ADORA2B: variants seen among roughly 807,000 people sequenced by gnomAD.
ADORA2B encodes adenosine receptor A2b.
Under a neutral mutation model 20.8 loss-of-function variants are expected in ADORA2B, and 18 were observed. That is an observed-to-expected ratio of 0.87 (90% CI 0.60 to 1.29). The LOEUF is 1.29. Among genes scored for constraint, ADORA2B ranks in the 50% most tolerant of loss-of-function variants. The pLI, the probability that ADORA2B is intolerant of heterozygous loss-of-function variation, is 0.00. For missense variants in ADORA2B, 441 were observed against 422.7 expected, an observed-to-expected ratio of 1.04 and a Z score of -0.38; for synonymous variants, 179 against 178.3, an observed-to-expected ratio of 1.00 and a Z score of -0.03.
At chr17:15,864,279 C>T in the ADORA2B span, 5 of 152,184 alleles carry the variant, frequency 3.3e-5, no homozygotes, top group Admixed American at 3.3e-4. Context: ...TCTTTCTGTT[C>T]TCCTAGACAG....
At chr17:15,924,729 G>C in the ADORA2B span, among the ~76,000 whole-genome samples, 1 of 141,234 alleles carries the variant, frequency 7.1e-6, no homozygotes, top group Non-Finnish European at 1.5e-5. Flanking sequence ...GACAGAGCGA[G>C]ACTCCATCTC....
At chr17:15,886,679 G>A in the ADORA2B span, among the ~76,000 whole-genome samples, 1 of 130,654 alleles carries the variant, frequency 7.7e-6, no homozygotes, top group South Asian at 2.3e-4. Flanking sequence ...TGAAAATGAG[G>A]TAGCAAACTT....
At chr17:15,928,950 G>A in the ADORA2B span, among the ~76,000 whole-genome samples, 2 of 152,188 alleles carry the variant, frequency 1.3e-5, no homozygotes, top group African/African-American at 4.8e-5. Context: ...GGGTTGTTAC[G>A]GAAGGAGAGG....
At chr17:15,899,869 G>T in the ADORA2B span, among the ~76,000 whole-genome samples, 1 of 149,170 alleles carries the variant, frequency 6.7e-6, no homozygotes, top group South Asian at 2.1e-4. Context: ...GTCTCTCTCT[G>T]TCGGCAGGCT....
intron 1 of ADORA2B, among the ~76,000 whole-genome samples, chr17:15,972,787 C>G (rs902153285): frequency 1.3e-5 from 2 of 152,176 alleles, no homozygotes; most frequent in Admixed American, 6.5e-5. Flanking sequence ...AGGTCTTGCT[C>G]TGTCACCCAG....
intron 1 of ADORA2B, among the ~76,000 whole-genome samples, chr17:15,954,748 C>A (rs755522300): frequency 3.3e-5 from 5 of 152,290 alleles, no homozygotes; most frequent in South Asian, 2.1e-4. Flanking sequence ...TCCTGGGCAA[C>A]AGAGTGAGAC....
intron 1 of ADORA2B, among the ~76,000 whole-genome samples, chr17:15,962,315 G>A (rs949662141): frequency 1.3e-5 from 2 of 151,894 alleles, no homozygotes; most frequent in African/African-American, 4.8e-5. Context: ...AACAAAACAA[G>A]ACACAACAAC....
intron 1 of ADORA2B, among the ~76,000 whole-genome samples, chr17:15,971,959 A>T (rs566213072): frequency 6.6e-6 from 1 of 152,112 alleles, no homozygotes; most frequent in African/African-American, 2.4e-5. Flanking sequence ...AGAACATACT[A>T]TGTGCTGGGA....
chr17:15,915,034 G>C, the ADORA2B span, among the ~76,000 whole-genome samples: 1 of 152,162 alleles, frequency 6.6e-6, no homozygotes, highest in African/African-American at 2.4e-5. Context: ...ACAGGAACTT[G>C]GTATCTCACA....
chr17:15,895,376 A>G, the ADORA2B span, among the ~76,000 whole-genome samples: 3 of 152,176 alleles, frequency 2.0e-5, no homozygotes, highest in Non-Finnish European at 2.9e-5. Flanking sequence ...GCTGGACAGG[A>G]TTATTAAACA....
chr17:15,974,962 C>T lies in ADORA2B; in HGVS notation c.619C>T (p.Leu207=). The T allele has an allele frequency of 6.2e-7, 1 of 1,614,132 alleles. No homozygotes were observed. ...IMLVIYIKIF[L]VACRQLQRTE... ...GCTGGTGATCTACATTAAGATCTTC[C>T]TGGTGGCCTGCAGGCAGCTTCAGCG... The change falls in exon 2 of 2, where the codon CTG becomes TTG. Residue 207 remains leucine, a synonymous_variant. Transcript: ENST00000304222.
At chr17:15,887,801 A>T in the ADORA2B span, among the ~76,000 whole-genome samples, 6 of 123,530 alleles carry the variant, frequency 4.9e-5, 2 homozygotes, top group East Asian at 1.3e-3. Context: ...AATAAAAAAA[A>T]TTAGCCAGGT....
At chr17:15,941,992 G>T (rs1337236763), upstream of ADORA2B, among the ~76,000 whole-genome samples, 3 of 152,048 alleles carry the variant, frequency 2.0e-5, no homozygotes, top group Non-Finnish European at 4.4e-5. Flanking sequence ...ACCAGGTGGG[G>T]CTGGGGTGGG....
chr17:15,911,162 C>T, the ADORA2B span, among the ~76,000 whole-genome samples: 2 of 152,178 alleles, frequency 1.3e-5, no homozygotes, highest in African/African-American at 4.8e-5. Context: ...ATTATATCAC[C>T]CGCGCCTTTG....
chr17:15,968,191 C>G (rs758815239), intron 1 of ADORA2B, among the ~76,000 whole-genome samples: 7 of 152,200 alleles, frequency 4.6e-5, no homozygotes, highest in Non-Finnish European at 8.8e-5. Flanking sequence ...GCCAACACAG[C>G]TGACCCTTGA....
At chr17:15,853,055 C>T in the ADORA2B span, among the ~76,000 whole-genome samples, 1 of 152,054 alleles carries the variant, frequency 6.6e-6, no homozygotes, top group African/African-American at 2.4e-5. Context: ...AGAAAACCAC[C>T]TAGACACATT....
intron 1 of ADORA2B, among the ~76,000 whole-genome samples, chr17:15,948,394 C>CTGG: frequency 1.5e-4 from 1 of 6,792 alleles, no homozygotes; most frequent in African/African-American, 1.9e-4. Context: ...ATGTTGGGCC[C>CTGG]TGGCGGCGGG....
the ADORA2B span, among the ~76,000 whole-genome samples, chr17:15,907,899 G>A: frequency 6.6e-6 from 1 of 152,206 alleles, no homozygotes; most frequent in South Asian, 2.1e-4. Flanking sequence ...CAGTTTTCCT[G>A]GTCAGTGCAC....
At chr17:15,897,598 C>T in the ADORA2B span, among the ~76,000 whole-genome samples, 17 of 152,078 alleles carry the variant, frequency 1.1e-4, no homozygotes, top group Admixed American at 5.2e-4. Context: ...CCACAACTTT[C>T]TGCTAACCAG....
Sources: gnomAD v4.1 joint callset for allele counts (sites outside exome capture counted in the v4.1 genomes callset) on GRCh38, gnomAD v4.1.1 for gene constraint, MANE v1.5 for transcripts, NCBI Gene and HGNC (gene_info 2026-07-23, HGNC 2026-07-21) for gene names.